KRCC1: variants seen among roughly 807,000 people sequenced by gnomAD.
KRCC1 encodes the protein lysine rich coiled-coil 1.
Under a neutral mutation model 7.4 loss-of-function variants are expected in KRCC1, and 3 were observed. The observed-to-expected ratio is 0.40, with a 90% confidence interval of 0.18 to 1.04. KRCC1 has a LOEUF of 1.04. Among genes scored for constraint, KRCC1 ranks in the 50% least tolerant of loss-of-function variants. The probability of loss-of-function intolerance (pLI) is 0.33; values close to 1 mark genes in which losing one functional copy is unlikely to be tolerated. For missense variants in KRCC1, 277 were observed against 300.9 expected (o/e 0.92, Z 0.59); for synonymous variants, 102 against 101.6 (o/e 1.00, Z -0.02).
intron 1 of KRCC1, among the ~76,000 whole-genome samples, chr2:88,040,048 A>G (rs186376428): frequency 1.1e-4 from 17 of 152,298 alleles, no homozygotes; most frequent in Admixed American, 5.2e-4. Context: ...TCTTTTGGTG[A>G]CAAACAAATC....
chr2:88,037,754 G>C (rs904140194), intron 1 of KRCC1, among the ~76,000 whole-genome samples: 1 of 152,162 alleles, frequency 6.6e-6, no homozygotes, highest in Admixed American at 6.6e-5. Context: ...TCCATGGCTG[G>C]TACAAATACA....
chr2:88,054,528 G>GGGA (rs757528400), intron 1 of KRCC1, among the ~76,000 whole-genome samples: 1 of 152,132 alleles, frequency 6.6e-6, no homozygotes, highest in Non-Finnish European at 1.5e-5. Context: ...CAGTCTCTGT[G>GGGA]GGAGGATAGT....
At chr2:88,043,741 C>T (rs923256709) in intron 1 of KRCC1, among the ~76,000 whole-genome samples, 7 of 152,294 alleles carry the variant, frequency 4.6e-5, no homozygotes, top group African/African-American at 1.4e-4. Context: ...ACCATCTTGG[C>T]GCACTGCAAT....
At position 88,028,200 on chromosome 2, in the gene KRCC1, G is replaced by A. The variant is rs1357948838; in HGVS notation, c.364C>T (p.Gln122Ter). 3 of 1,614,050 alleles carry A rather than the reference G, an allele frequency of 1.9e-6. No homozygotes were observed. The highest frequency in any genetic ancestry group is 1.7e-5 in the Admixed American group (1 of 59,998). ...TGTGAGCCACAAATATATTCTTGTT[G>A]ATTAAAGTTCAGGGGTACTGGTTTT... Reference protein sequence around the residue: ...SEKPVPLNFNQQEYICGSHGV... With the variant: ...SEKPVPLNFN The change falls in exon 4 of 4, where the codon CAA becomes TAA. Residue 122 changes from glutamine to a stop codon, truncating the protein, a stop_gained. Coordinates refer to ENST00000347055, the MANE Select transcript of KRCC1 (RefSeq NM_016618.3). LOFTEE classifies it low-confidence loss of function (END_TRUNC).
chr2:88,053,693 A>G (rs1673549502), intron 1 of KRCC1, among the ~76,000 whole-genome samples: 1 of 152,168 alleles, frequency 6.6e-6, no homozygotes, highest in Admixed American at 6.5e-5. Flanking sequence ...GTTTTAAGAA[A>G]TCTGCAGTAT....
At position 88,045,236 on chromosome 2, in the gene KRCC1, G is replaced by A. The variant is rs74901751; in HGVS notation, c.-290-8185C>T. Among the ~76,000 whole-genome samples, 1,363 of 152,182 alleles carry A rather than the reference G, an allele frequency of 9.0e-3. 27 individuals carry two copies. The highest frequency in any genetic ancestry group is 0.085 in the East Asian group (438 of 5,178). ...CATATGACCTAGCCATTCTACAACT[G>A]TGTATTTGACATGAAAACATATCCA... On this transcript the variant is annotated intron_variant, in intron 1 of 3. Coordinates refer to ENST00000347055, the MANE Select transcript of KRCC1 (RefSeq NM_016618.3).
Position 88,028,536 on chromosome 2 carries a change from A to G in KRCC1, c.28T>C (p.Ser10Pro). 3 of 1,611,460 alleles carry G rather than the reference A, an allele frequency of 1.9e-6. No homozygotes were observed. The highest frequency in any genetic ancestry group is 2.5e-6 in the Non-Finnish European group (3 of 1,179,086). MKHSKKTYD[S>P]FQDELEDYIK... ...TAATCTTCAAGTTCATCTTGAAAAGAGTCATATGTCTTCTTTGAATGCTTC... is the reference window on the plus strand; with the variant it reads ...TAATCTTCAAGTTCATCTTGAAAAGGGTCATATGTCTTCTTTGAATGCTTC... Residue 10 changes from serine (S) to proline (P), a missense_variant, in exon 4 of 4, where the codon TCT becomes CCT. Ser to Pro is a moderately conservative substitution (Grantham distance 74). Transcript: ENST00000347055.
chr2:88,054,234 A>G (rs1268748329), intron 1 of KRCC1, among the ~76,000 whole-genome samples: 2 of 152,228 alleles, frequency 1.3e-5, no homozygotes, highest in African/African-American at 4.8e-5. Flanking sequence ...CATGGCCTCT[A>G]GAAGCCTAAG....
intron 1 of KRCC1, among the ~76,000 whole-genome samples, chr2:88,055,216 G>T (rs1322024307): frequency 6.6e-6 from 1 of 151,580 alleles, no homozygotes; most frequent in Non-Finnish European, 1.5e-5. Flanking sequence ...CCAGGATGCT[G>T]AACTTCACCA....
intron 1 of KRCC1, among the ~76,000 whole-genome samples, chr2:88,051,343 T>G (rs1030328068): frequency 6.6e-6 from 1 of 152,266 alleles, no homozygotes; most frequent in African/African-American, 2.4e-5. Context: ...AAATCAGTTT[T>G]AATGGTCCTA....
Position 88,028,112 on chromosome 2 carries a change from G to C in KRCC1, c.452C>G (p.Ala151Gly), listed in dbSNP as rs752311739. 3.1e-6 allele frequency: 5 copies of C among 1,614,010 alleles called. No homozygotes were observed. The highest frequency in any genetic ancestry group is 2.5e-6 in the Non-Finnish European group (3 of 1,180,010). The part of the protein sequence containing the change: ...SSDNSTSTHQ[A>G]SHKQIHQKRK... ...CTTCTGATGTATCTGTTTGTGACTG[G>C]CTTGATGAGTACTGGTACTGTTATC... The change falls in exon 4 of 4, where the codon GCC becomes GGC. Residue 151 changes from alanine to glycine, a missense_variant. By Grantham distance (60) the Ala-to-Gly change is moderately conservative. Transcript: ENST00000347055.
chr2:88,039,780 G>C (rs1209115879), intron 1 of KRCC1, among the ~76,000 whole-genome samples: 1 of 152,018 alleles, frequency 6.6e-6, no homozygotes, highest in African/African-American at 2.4e-5. Flanking sequence ...GGTCAGCAAG[G>C]TAAAAAGGTT....
intron 1 of KRCC1, among the ~76,000 whole-genome samples, chr2:88,041,984 T>A (rs1441837716): frequency 1.3e-5 from 2 of 152,080 alleles, no homozygotes; most frequent in African/African-American, 4.8e-5. Context: ...TCCCATGTGA[T>A]ATGGATGTTG....
intron 1 of KRCC1, among the ~76,000 whole-genome samples, chr2:88,049,908 T>C (rs1483865500): frequency 3.9e-5 from 6 of 152,250 alleles, no homozygotes; most frequent in Admixed American, 3.3e-4. Context: ...GTAACAAACA[T>C]GTCATGTGCA....
intron 1 of KRCC1, among the ~76,000 whole-genome samples, chr2:88,045,706 C>CA (rs1673314383): frequency 1.3e-5 from 2 of 151,268 alleles, no homozygotes; most frequent in African/African-American, 4.9e-5. Context: ...TTTTTTGAGA[C>CA]AGAGTCTCAC....
chr2:88,028,664 T>TTTTTTTTTTTC (rs60603649), intron 3 of KRCC1, 79 bp from the exon 4 acceptor site: 1 of 712,272 alleles, frequency 1.4e-6, no homozygotes. Flanking sequence ...TTTTTTTTTT[T>TTTTTTTTTTTC]CTTGAGATGG....
chr2:88,041,950 TC>T (rs139644233), intron 1 of KRCC1, among the ~76,000 whole-genome samples: 1 of 151,826 alleles, frequency 6.6e-6, no homozygotes, highest in Admixed American at 6.6e-5. Context: ...GTAGCATCTC[TC>T]CCCCCCGATA....
intron 3 of KRCC1, 148 bp downstream of exon 3, chr2:88,033,986 T>C (rs867605282): frequency 6.6e-5 from 10 of 152,558 alleles, no homozygotes; most frequent in South Asian, 6.2e-4. Flanking sequence ...ATTCATATAA[T>C]ATTATTCAGC....
rs953072484 is a variant in KRCC1, at chr2:88,028,039, C to A, written c.525G>T (p.Arg175=). 3 of 1,613,904 alleles carry A rather than the reference C, an allele frequency of 1.9e-6. No individual in the cohort carries two copies. Among genetic ancestry groups the A allele is most frequent in the Admixed American group, 3.3e-5 (2 of 59,988 alleles). The stretch of plus-strand genomic sequence containing the variant: ...AGCTTTTTTTTCTCTTATGCTTAGA[C>A]CGCTCCTCCTCTGATTTTTCTCTGC... ...EEGREKSEEE[R]SKHKRKKSCE... Residue 175 remains arginine (R), a synonymous_variant, in exon 4 of 4, where the codon CGG becomes CGT. Coordinates refer to ENST00000347055, the MANE Select transcript of KRCC1 (RefSeq NM_016618.3).
Sources: gnomAD v4.1 joint callset for allele counts (sites outside exome capture counted in the v4.1 genomes callset) on GRCh38, gnomAD v4.1.1 for gene constraint, MANE v1.5 for transcripts, NCBI Gene and HGNC (gene_info 2026-07-23, HGNC 2026-07-21) for gene names.